Variants in ADAMTS6 observed in about 807,000 individuals in gnomAD.
ADAMTS6 encodes the protein A disintegrin and metalloproteinase with thrombospondin motifs 6.
Under a neutral mutation model 144.3 loss-of-function variants are expected in ADAMTS6, and 23 were observed. The ratio of observed to expected loss-of-function variants is 0.16; its 90% CI spans 0.11 to 0.23. ADAMTS6 has a LOEUF of 0.23. Ranked by LOEUF, ADAMTS6 falls within the 10% of genes least tolerant of loss-of-function variation. ADAMTS6 has a pLI of 1.00. For synonymous variants in ADAMTS6, 444 were observed against 457.5 expected (o/e 0.97, Z 0.38); for missense variants, 999 against 1,379.6 (o/e 0.72, Z 4.37).
intron 7 of ADAMTS6, among the ~76,000 whole-genome samples, chr5:65,382,338 A>G (rs1349427811): frequency 6.6e-6 from 1 of 152,244 alleles, no homozygotes; most frequent in African/African-American, 2.4e-5. Flanking sequence ...GCCATATAAG[A>G]AGTCTCAATA....
At chr5:65,328,240 TCAA>T (rs1746361687) in intron 9 of ADAMTS6, among the ~76,000 whole-genome samples, 3 of 152,090 alleles carry the variant, frequency 2.0e-5, no homozygotes, top group South Asian at 2.1e-4. Flanking sequence ...ACTCTCCACT[TCAA>T]CAACAACAAA....
At chr5:65,249,012 C>CGT (rs139459475) in intron 14 of ADAMTS6, among the ~76,000 whole-genome samples, 44 of 150,084 alleles carry the variant, frequency 2.9e-4, no homozygotes, top group East Asian at 1.6e-3. Context: ...TGTTTTTTGC[C>CGT]GTGTGTGTGT....
At chr5:65,245,572 T>G (rs1259698686) in intron 14 of ADAMTS6, among the ~76,000 whole-genome samples, 1 of 152,180 alleles carries the variant, frequency 6.6e-6, no homozygotes, top group Non-Finnish European at 1.5e-5. Context: ...GTCAGAGTGG[T>G]CTATTATATT....
At chr5:65,466,638 T>C (rs245526) in intron 3 of ADAMTS6, among the ~76,000 whole-genome samples, 20,075 of 152,186 alleles carry the variant, frequency 0.13, 2,450 homozygotes, top group African/African-American at 0.32. Context: ...ATGACAACTA[T>C]GGACATGACT....
intron 7 of ADAMTS6, among the ~76,000 whole-genome samples, chr5:65,340,867 G>T (rs1402151711): frequency 6.6e-6 from 1 of 151,824 alleles, no homozygotes; most frequent in Non-Finnish European, 1.5e-5. Flanking sequence ...AAATAATAAA[G>T]GGATCAATTC....
intron 8 of ADAMTS6, among the ~76,000 whole-genome samples, chr5:65,329,867 A>C (rs1190108952): frequency 6.6e-6 from 1 of 152,130 alleles, no homozygotes; most frequent in South Asian, 2.1e-4. Context: ...GATCTGTTTA[A>C]GTTTAGTGGG....
At chr5:65,185,646 T>C (rs1461070843) in intron 22 of ADAMTS6, among the ~76,000 whole-genome samples, 1 of 152,184 alleles carries the variant, frequency 6.6e-6, no homozygotes, top group Non-Finnish European at 1.5e-5. Flanking sequence ...TAGATGTACA[T>C]CTTCAGGCAG....
chr5:65,325,137 G>A (rs1746037282), intron 9 of ADAMTS6, among the ~76,000 whole-genome samples: 2 of 152,144 alleles, frequency 1.3e-5, no homozygotes, highest in Non-Finnish European at 2.9e-5. Flanking sequence ...TCTGGGGATG[G>A]AGGAGTGGGG....
At chr5:65,247,387 A>G (rs182736772) in intron 14 of ADAMTS6, among the ~76,000 whole-genome samples, 33 of 152,328 alleles carry the variant, frequency 2.2e-4, no homozygotes. Context: ...AAAAGTTGCT[A>G]CAGAAAGAAA....
chr5:65,428,278 T>C (rs954789877), intron 7 of ADAMTS6, among the ~76,000 whole-genome samples: 64 of 151,786 alleles, frequency 4.2e-4, no homozygotes, highest in African/African-American at 1.5e-3. Context: ...ATTTTCCTTG[T>C]TTTAAGAAAT....
chr5:65,209,688 A>G (rs1238816530), intron 20 of ADAMTS6, among the ~76,000 whole-genome samples: 1 of 152,230 alleles, frequency 6.6e-6, no homozygotes, highest in Admixed American at 6.5e-5. Flanking sequence ...TATTAATAAA[A>G]CATATGCAGG....
At chr5:65,174,817 G>A (rs1753867897) in intron 22 of ADAMTS6, among the ~76,000 whole-genome samples, 1 of 152,124 alleles carries the variant, frequency 6.6e-6, no homozygotes, top group Admixed American at 6.6e-5. Flanking sequence ...GTGTGAGCAT[G>A]GTGTTTTGTC....
At chr5:65,292,731 G>T (rs1459572694) in intron 10 of ADAMTS6, among the ~76,000 whole-genome samples, 2 of 151,888 alleles carry the variant, frequency 1.3e-5, no homozygotes, top group African/African-American at 4.8e-5. Flanking sequence ...ATGCCCTCCT[G>T]ATTTTTTAAT....
chr5:65,422,501 A>G (rs1756140445), intron 7 of ADAMTS6, among the ~76,000 whole-genome samples: 1 of 152,228 alleles, frequency 6.6e-6, no homozygotes. Context: ...GCATGCCTGT[A>G]ATCCCAGCTA....
intron 14 of ADAMTS6, among the ~76,000 whole-genome samples, chr5:65,252,113 T>C (rs1325347129): frequency 6.6e-6 from 1 of 152,218 alleles, no homozygotes; most frequent in African/African-American, 2.4e-5. Context: ...ATAAGCCTTG[T>C]ATGTTTCAAT....
chr5:65,373,356 G>A (rs1284764797), intron 7 of ADAMTS6, among the ~76,000 whole-genome samples: 12 of 151,506 alleles, frequency 7.9e-5, no homozygotes, highest in African/African-American at 2.7e-4. Context: ...TTGATAAACA[G>A]CTAGCAAGAC....
At chr5:65,353,894 CTATT>C (rs962601695) in intron 7 of ADAMTS6, among the ~76,000 whole-genome samples, 2 of 151,912 alleles carry the variant, frequency 1.3e-5, no homozygotes, top group African/African-American at 4.8e-5. Flanking sequence ...CTCTGGAAGA[CTATT>C]TAAGCCTTTT....
At chr5:65,282,067 T>C (rs973739858) in intron 11 of ADAMTS6, among the ~76,000 whole-genome samples, 1 of 152,050 alleles carries the variant, frequency 6.6e-6, no homozygotes, top group South Asian at 2.1e-4. Context: ...AGGAAAGCAG[T>C]ATGTGAAGAG....
intron 15 of ADAMTS6, 113 bp downstream of exon 15, chr5:65,241,991 A>G: frequency 1.7e-6 from 1 of 605,132 alleles, no homozygotes; most frequent in South Asian, 5.7e-5. Flanking sequence ...GTTGGCAAAC[A>G]CTAATTTTAA....
Sources: allele counts gnomAD v4.1 joint callset (sites outside exome capture counted in the v4.1 genomes callset), GRCh38; gene constraint gnomAD v4.1.1; transcripts MANE v1.5; gene names NCBI Gene and HGNC (gene_info 2026-07-23, HGNC 2026-07-21).